The following CORO7 variants were observed in gnomAD, a reference collection of about 807,000 sequenced individuals.
CORO7 encodes coronin 7, also known as coronin-7.
In CORO7, 107 loss-of-function variants were observed where a neutral mutation model predicts 126.6. That is an observed-to-expected ratio of 0.85 (90% CI 0.72 to 0.99). The LOEUF (loss-of-function observed/expected upper bound fraction) is 0.99. CORO7 is among the 50% of genes least tolerant of loss of function. The pLI is 0.00. For missense variants in CORO7, 1,314 were observed against 1,255.8 expected (o/e 1.05, Z -0.70); for synonymous variants, 603 against 536.8 (o/e 1.12, Z -1.70).
chr16:4,410,863 G>T (rs1009666617), intron 3 of CORO7, among the ~76,000 whole-genome samples: 4 of 152,212 alleles, frequency 2.6e-5, no homozygotes, highest in Non-Finnish European at 5.9e-5. Flanking sequence ...GAATGGGCGT[G>T]GCAGCGTTCC....
rs1048475459 is a variant in CORO7, at chr16:4,364,473, C to A, written c.1138-60G>T. The A allele has an allele frequency of 6.4e-5, 94 of 1,477,230 alleles. 2 individuals are homozygous for A. The Admixed American group carries it at 2.2e-3, about 35-fold the overall frequency. The allele number at this position is 1,477,230 out of a possible 1,614,324, so 91.5% of individuals were successfully genotyped here. ...TGGGCTGCCCGGTCAGGAGGGCCCC[C>A]ATGGGAGGGTCAACTGGGTAGGGAT... On this transcript the variant is annotated intron_variant, in intron 13 of 27. Transcript: ENST00000251166.
rs2054094366 is a variant in CORO7, at chr16:4,359,632, G to A, written c.2109-11C>T. On this transcript the variant is annotated splice_polypyrimidine_tract_variant and intron_variant, in intron 21 of 27. Transcript: ENST00000251166. ...TGGCGCTCACTTTGGCTGCAAGGGG[G>A]TTTGGGGGCTGAAGCAGGTGTTTCA... is the stretch of plus-strand genomic sequence containing the variant. The A allele has an allele frequency of 6.3e-7, 1 of 1,583,964 alleles. No individual in the cohort carries two copies. The highest frequency in any genetic ancestry group is 1.2e-5 in the South Asian group (1 of 86,676).
intron 6 of CORO7, among the ~76,000 whole-genome samples, chr16:4,397,914 CTTTT>C: frequency 6.8e-6 from 1 of 147,054 alleles, no homozygotes; most frequent in Middle Eastern, 4.0e-3. Context: ...TGTGCCTAGC[CTTTT>C]TTGTTTGTTT....
In CORO7 at chr16:4,360,260, G is replaced by A. The variant is rs770165445; in HGVS notation, c.2108+18C>T. The stretch of plus-strand genomic sequence containing the variant: ...GGTGGCTTCTGAAGCCTGGGGATGG[G>A]GATGCCTGAGTCCTCACCTGTCAAA... On this transcript the variant is annotated intron_variant, in intron 21 of 27. Coordinates refer to ENST00000251166, the MANE Select transcript of CORO7 (RefSeq NM_024535.5). 6.2e-7 allele frequency: 1 copy of A among 1,613,294 alleles called. No individual in the cohort carries two copies. The highest frequency in any genetic ancestry group is 8.5e-7 in the Non-Finnish European group (1 of 1,179,942).
In CORO7 at chr16:4,407,215, T is replaced by C. The variant is rs1187751925; in HGVS notation, c.487+286A>G. Among the ~76,000 whole-genome samples the C allele has an allele frequency of 2.0e-5, 3 of 151,132 alleles. No individual in the cohort carries two copies. The East Asian group carries it at 5.9e-4, about 29-fold the overall frequency. The stretch of plus-strand genomic sequence containing the variant: ...CACCTACCTCGGCCTCCCAGAGTGT[T>C]GGGATTACAGGCATGAGCCACCGCG... On this transcript the variant is annotated intron_variant, in intron 5 of 27. Coordinates refer to ENST00000251166, the MANE Select transcript of CORO7 (RefSeq NM_024535.5).
chr16:4,362,270 ATGGACCT>A lies in CORO7; in HGVS notation c.1403-117_1403-111del. 1.4e-6 allele frequency: 2 copies of A among 1,433,702 alleles called. No individual in the cohort carries two copies. The highest frequency in any genetic ancestry group is 1.9e-6 in the Non-Finnish European group (2 of 1,075,168). 88.8% of individuals were successfully genotyped at this position (1,433,702 alleles called of 1,614,324 possible). ...CCCTCACCCCAGGTGGATGTACAGC[ATGGACCT>A]AGGCCCAGGCCTTTGCTAATCCAGT... is the stretch of plus-strand genomic sequence containing the variant. On this transcript the variant is annotated intron_variant, in intron 15 of 27. Transcript: ENST00000251166. This position sits in a 1 kb window ranked among gnomAD's most constrained non-coding sequence, Gnocchi z 5.3.
rs1429261366 is a variant in CORO7, at chr16:4,380,835, C to T, written c.785+7151G>A. On this transcript the variant is annotated intron_variant, in intron 9 of 27. Transcript: ENST00000251166. ...GTCTGCCTTCTAGGCCCCTGACTCA[C>T]AGTCTTCTGTCTCTGCCTCCTCTCT... The T allele has an allele frequency of 2.1e-6, 3 of 1,436,734 alleles. No homozygotes were observed. The South Asian group carries it at 4.4e-5, about 21-fold the overall frequency. 89.0% of individuals were successfully genotyped at this position (1,436,734 alleles called of 1,614,324 possible).
chr16:4,397,821 G>C (rs2055654861), intron 6 of CORO7, among the ~76,000 whole-genome samples: 2 of 152,134 alleles, frequency 1.3e-5, no homozygotes, highest in Admixed American at 1.3e-4. Flanking sequence ...TGCCATGTTG[G>C]ACAGGCTGGT....
intron 1 of CORO7, among the ~76,000 whole-genome samples, chr16:4,414,655 G>A (rs899490379): frequency 2.0e-5 from 3 of 151,942 alleles, no homozygotes; most frequent in Non-Finnish European, 4.4e-5. Context: ...CTGTTCTCCC[G>A]CCTCCCTAAC....
Position 4,362,056 on chromosome 16 carries a change from C to T in CORO7, c.1507G>A (p.Gly503Ser), listed in dbSNP as rs749207917. The T allele has an allele frequency of 6.2e-6, 10 of 1,612,868 alleles. No individual in the cohort carries two copies. In the African/African-American group the frequency reaches 6.7e-5, roughly 11 times the overall value. Residue 503 changes from glycine (G) to serine (S), a missense_variant, in exon 16 of 28, where the codon GGC becomes AGC. Physicochemically the swap from Gly to Ser is moderately conservative, Grantham distance 56. Transcript: ENST00000251166. The surrounding 1 kb of genome is among the most constrained non-coding windows in gnomAD (Gnocchi z 5.3). ...LNLTTPGESD[G>S]FCANKLRVAV... ...ACACGCAGCTTGTTGGCACAGAAGC[C>T]GTCACTCTCACCAGGTGTGGTGAGG...
intron 9 of CORO7, among the ~76,000 whole-genome samples, chr16:4,367,204 C>G (rs2054374891): frequency 6.6e-6 from 1 of 152,308 alleles, no homozygotes; most frequent in East Asian, 1.9e-4. Context: ...GCAGGGTGAG[C>G]CGGGCTCAGC....
chr16:4,360,248 G>C, intron 21 of CORO7, 30 bp downstream of exon 21: 1 of 1,613,088 alleles, frequency 6.2e-7, no homozygotes, highest in Non-Finnish European at 8.5e-7. Context: ...GGCTTCTGAA[G>C]CCTGGGGATG....
At chr16:4,403,359 C>A (rs2055883026) in intron 6 of CORO7, among the ~76,000 whole-genome samples, 1 of 152,140 alleles carries the variant, frequency 6.6e-6, no homozygotes, top group Non-Finnish European at 1.5e-5. Context: ...AAGAAGGTGG[C>A]AGCCGACCCA....
chr16:4,387,951 AGCC>A, intron 9 of CORO7, 32 bp downstream of exon 9: 1 of 1,609,722 alleles, frequency 6.2e-7, no homozygotes. Flanking sequence ...TTGGGTCATC[AGCC>A]CCCCAGCCCA....
chr16:4,382,762 G>T (rs926450622), intron 9 of CORO7: 5 of 1,563,996 alleles, frequency 3.2e-6, no homozygotes, highest in Non-Finnish European at 4.3e-6. Context: ...GGGAGTGAAG[G>T]TCCCCTTGGA....
At chr16:4,414,228 G>C (rs1354522790) in intron 1 of CORO7, 1 of 151,466 alleles carries the variant, frequency 6.6e-6, no homozygotes, top group Non-Finnish European at 1.5e-5. Flanking sequence ...AATGTGGCCA[G>C]GCCTCCTCCA....
rs149925494 is a variant in CORO7 at position 4,381,354 on chromosome 16, G to T, written c.785+6632C>A. On this transcript the variant is annotated intron_variant, in intron 9 of 27. Coordinates refer to ENST00000251166, the MANE Select transcript of CORO7 (RefSeq NM_024535.5). ...TGGAGCTCAAGCTGCAGGACAACGAGCTGCGGGCACTGCCCCCGCTGCGCC... is the reference window on the plus strand; with the variant it reads ...TGGAGCTCAAGCTGCAGGACAACGATCTGCGGGCACTGCCCCCGCTGCGCC... 52 of 1,600,842 alleles carry T rather than the reference G, an allele frequency of 3.2e-5. No homozygotes were observed. In the African/African-American group the frequency reaches 6.6e-4, roughly 20 times the overall value.
intron 1 of CORO7, among the ~76,000 whole-genome samples, chr16:4,414,030 T>C (rs1263548640): frequency 1.3e-5 from 2 of 151,040 alleles, no homozygotes; most frequent in Non-Finnish European, 3.0e-5. Flanking sequence ...CTACTAAAAA[T>C]ACAAAAATTA....
intron 6 of CORO7, among the ~76,000 whole-genome samples, chr16:4,400,676 C>T (rs758246160): frequency 1.3e-5 from 2 of 150,760 alleles, no homozygotes; most frequent in South Asian, 2.1e-4. Flanking sequence ...AAAAAGTAGC[C>T]GGGTGTGGTG....
Sources: gnomAD v4.1 joint callset for allele counts (sites outside exome capture counted in the v4.1 genomes callset) on GRCh38, gnomAD v4.1.1 for gene constraint, Gnocchi (gnomAD v3.1) non-coding constraint, MANE v1.5 for transcripts, NCBI Gene and HGNC (gene_info 2026-07-23, HGNC 2026-07-21) for gene names.